The following PCDH7 variants were observed in gnomAD, a reference collection of about 807,000 sequenced individuals.
PCDH7 encodes the protein protocadherin 7, also known as protocadherin-7.
In PCDH7, 17 loss-of-function variants were observed where a neutral mutation model predicts 58.9. The observed-to-expected ratio is 0.29, with a 90% CI of 0.20 to 0.43. The LOEUF is 0.43. Among genes scored for constraint, PCDH7 ranks in the 20% least tolerant of loss-of-function variants. PCDH7 has a pLI of 1.00. For missense variants in PCDH7, 1,274 were observed against 1,441.0 expected (o/e 0.88, Z 1.88); for synonymous variants, 664 against 616.4 (o/e 1.08, Z -1.14).
intron 1 of PCDH7, among the ~76,000 whole-genome samples, chr4:30,874,063 G>A (rs971069528): frequency 4.6e-5 from 7 of 152,078 alleles, no homozygotes; most frequent in African/African-American, 1.7e-4. Context: ...TGGAGAGGAT[G>A]TGGAGAAATA....
chr4:31,017,580 CAT>C (rs570854125), intron 3 of PCDH7, among the ~76,000 whole-genome samples: 5 of 151,840 alleles, frequency 3.3e-5, no homozygotes, highest in East Asian at 3.9e-4. Flanking sequence ...GACACACACA[CAT>C]ATATATATGC....
intron 3 of PCDH7, among the ~76,000 whole-genome samples, chr4:30,995,179 A>C (rs1276619412): frequency 6.6e-6 from 1 of 152,118 alleles, no homozygotes; most frequent in East Asian, 1.9e-4. Context: ...CTATTGGTCG[A>C]CATTGGTGCT....
At chr4:31,120,162 T>A (rs1272973620) in intron 3 of PCDH7, among the ~76,000 whole-genome samples, 1 of 152,064 alleles carries the variant, frequency 6.6e-6, no homozygotes, top group Non-Finnish European at 1.5e-5. Flanking sequence ...ATTCTACAAG[T>A]CACATATCGA....
chr4:31,090,310 A>G (rs2109283404), intron 3 of PCDH7, among the ~76,000 whole-genome samples: 1 of 152,244 alleles, frequency 6.6e-6, no homozygotes, highest in South Asian at 2.1e-4. Flanking sequence ...AGATGTATAC[A>G]TTTATGAGGT....
intron 3 of PCDH7, among the ~76,000 whole-genome samples, chr4:31,106,102 T>C (rs1240403050): frequency 2.0e-5 from 3 of 151,960 alleles, no homozygotes; most frequent in Admixed American, 2.0e-4. Context: ...ACTTTATGGT[T>C]TTTGAAACAG....
At chr4:30,934,144 A>G (rs1485691004) in intron 2 of PCDH7, among the ~76,000 whole-genome samples, 1 of 152,198 alleles carries the variant, frequency 6.6e-6, no homozygotes, top group Admixed American at 6.5e-5. Flanking sequence ...AATAATGAAG[A>G]TCTAAAATCT....
chr4:31,039,082 A>T (rs1053641284), intron 3 of PCDH7, among the ~76,000 whole-genome samples: 1 of 152,164 alleles, frequency 6.6e-6, no homozygotes, highest in African/African-American at 2.4e-5. Context: ...CAATGAAATA[A>T]TTTCTGTAAG....
chr4:31,116,768 TA>T (rs1309701073), intron 3 of PCDH7, among the ~76,000 whole-genome samples: 1 of 152,196 alleles, frequency 6.6e-6, no homozygotes, highest in Non-Finnish European at 1.5e-5. Flanking sequence ...TGTAGCACTA[TA>T]CCATAAATAA....
chr4:30,730,254 G>A (rs1203768833), intron 1 of PCDH7, among the ~76,000 whole-genome samples: 1 of 151,940 alleles, frequency 6.6e-6, no homozygotes, highest in Non-Finnish European at 1.5e-5. Context: ...GAAATAGTAA[G>A]AGCTGTTCCC....
intron 1 of PCDH7, among the ~76,000 whole-genome samples, chr4:30,871,678 C>T (rs1013104911): frequency 6.6e-6 from 1 of 152,046 alleles, no homozygotes; most frequent in East Asian, 1.9e-4. Flanking sequence ...CATTGTATTT[C>T]TTTCTTAGGC....
intron 1 of PCDH7, among the ~76,000 whole-genome samples, chr4:30,905,363 A>G (rs1740783376): frequency 6.6e-6 from 1 of 152,062 alleles, no homozygotes. Flanking sequence ...TATCGACCTC[A>G]TTCAGCTGCG....
At chr4:31,004,905 C>T (rs1752646829) in intron 3 of PCDH7, among the ~76,000 whole-genome samples, 1 of 152,018 alleles carries the variant, frequency 6.6e-6, no homozygotes, top group African/African-American at 2.4e-5. Flanking sequence ...AGCAGTCTGA[C>T]CTCTGAGCAC....
intron 1 of PCDH7, among the ~76,000 whole-genome samples, chr4:30,789,034 A>C (rs1021934223): frequency 6.6e-6 from 1 of 152,134 alleles, no homozygotes; most frequent in African/African-American, 2.4e-5. Context: ...GCGCAAGACC[A>C]AGGGACAGTA....
At chr4:30,831,876 G>A (rs1729837951) in intron 1 of PCDH7, among the ~76,000 whole-genome samples, 1 of 151,882 alleles carries the variant, frequency 6.6e-6, no homozygotes, top group Non-Finnish European at 1.5e-5. Context: ...TTTTTCCTAT[G>A]ATGAGTTCTG....
Position 30,722,506 on chromosome 4 carries a change from G to C in PCDH7, c.1084G>C (p.Glu362Gln), listed in dbSNP as rs1713819054. ...GGTGAGGCGGCTGCTGCGCCTTGAC[G>C]AGACGTCCGGCTGGCTCAGCGTCCT... Residue 362 changes from glutamate to glutamine, a missense_variant, in exon 1 of 2, where the codon GAG becomes CAG. Transcript: ENST00000361762. This position sits in a 1 kb window ranked among gnomAD's most constrained non-coding sequence, Gnocchi z 7.6. 1 of 1,609,982 alleles carries C rather than the reference G, an allele frequency of 6.2e-7. No homozygotes were observed. The highest frequency in any genetic ancestry group is 1.3e-5 in the African/African-American group (1 of 74,928).
intron 3 of PCDH7, among the ~76,000 whole-genome samples, chr4:31,059,598 G>A (rs965604836): frequency 3.3e-5 from 5 of 151,724 alleles, no homozygotes; most frequent in African/African-American, 1.2e-4. Context: ...CATAGTAAAA[G>A]AATATGATTT....
chr4:31,092,576 T>G (rs909813492), intron 3 of PCDH7, among the ~76,000 whole-genome samples: 1 of 151,918 alleles, frequency 6.6e-6, no homozygotes, highest in Non-Finnish European at 1.5e-5. Flanking sequence ...TGCTGGAAAA[T>G]TACACATTTG....
At chr4:30,975,187 G>GTA (rs1749966862) in intron 3 of PCDH7, among the ~76,000 whole-genome samples, 1 of 141,886 alleles carries the variant, frequency 7.0e-6, no homozygotes, top group Non-Finnish European at 1.5e-5. Context: ...GTGTGTGTGT[G>GTA]TATTTGTGGT....
intron 1 of PCDH7, among the ~76,000 whole-genome samples, chr4:30,892,667 A>C (rs1401840832): frequency 6.6e-6 from 1 of 152,080 alleles, no homozygotes. Flanking sequence ...ATAGTGAATC[A>C]TTAGTAAATT....
Sources: allele counts gnomAD v4.1 joint callset (sites outside exome capture counted in the v4.1 genomes callset), GRCh38; gene constraint gnomAD v4.1.1; non-coding constraint Gnocchi (gnomAD v3.1); transcripts MANE v1.5; gene names NCBI Gene and HGNC (gene_info 2026-07-23, HGNC 2026-07-21).